Variants in LRRC20 observed in about 807,000 individuals in gnomAD.
The protein encoded by LRRC20 is leucine rich repeat containing 20.
In LRRC20, 11 loss-of-function variants were observed where a neutral mutation model predicts 14.4. That is an observed-to-expected ratio of 0.77 (90% CI 0.48 to 1.27). The LOEUF (loss-of-function observed/expected upper bound fraction) is 1.27, where lower values mean the gene tolerates loss of function less well. Ranked by LOEUF, LRRC20 falls within the 50% of genes most tolerant of loss-of-function variation. The pLI, the probability that LRRC20 is intolerant of heterozygous loss-of-function variation, is 0.00. For synonymous variants in LRRC20, 121 were observed against 107.3 expected (o/e 1.13, Z -0.79); for missense variants, 219 against 251.2 (o/e 0.87, Z 0.87).
intron 2 of LRRC20, 84 bp downstream of exon 2, chr10:70,376,368 T>C (rs1844506939): frequency 1.4e-6 from 2 of 1,380,450 alleles, no homozygotes; most frequent in Non-Finnish European, 2.0e-6. Flanking sequence ...ACACTGACGC[T>C]TGTGTCTTTC....
Position 70,335,468 on chromosome 10 carries a change from C to T in LRRC20, c.232+5085G>A, listed in dbSNP as rs543189586. On this transcript the variant is annotated intron_variant, in intron 3 of 4. Transcript: ENST00000446961. ...CTGCAGCAGCCCCAGCAGCCAGCTC[C>T]GGCTGCCCTGGCCCAGGCCCAGGCT... is the stretch of plus-strand genomic sequence containing the variant. 7.2e-5 allele frequency among the ~76,000 whole-genome samples: 11 copies of T among 152,362 alleles called. No individual in the cohort carries two copies. In the East Asian group the frequency reaches 1.9e-3, roughly 27 times the overall value.
intron 3 of LRRC20, among the ~76,000 whole-genome samples, chr10:70,324,580 C>T (rs1842245745): frequency 6.6e-6 from 1 of 152,250 alleles, no homozygotes; most frequent in African/African-American, 2.4e-5. Flanking sequence ...TGAAAGCTGG[C>T]CAGCGACCTG....
At chr10:70,354,467 G>C (rs1843449290) in intron 2 of LRRC20, among the ~76,000 whole-genome samples, 1 of 152,174 alleles carries the variant, frequency 6.6e-6, no homozygotes, top group Non-Finnish European at 1.5e-5. Flanking sequence ...CACAGCATTA[G>C]CATCACCCCA....
At chr10:70,369,442 A>G (rs1168116160) in intron 2 of LRRC20, among the ~76,000 whole-genome samples, 1 of 152,160 alleles carries the variant, frequency 6.6e-6, no homozygotes, top group Admixed American at 6.5e-5. Flanking sequence ...GAGGAAAACT[A>G]CTGCAAAAGC....
intron 1 of LRRC20, 44 bp from the exon 2 acceptor site, chr10:70,376,640 G>GGTGGGCCCCTGGCT: frequency 9.4e-7 from 1 of 1,062,610 alleles, no homozygotes; most frequent in Non-Finnish European, 1.4e-6. Flanking sequence ...TGCCAGCCAG[G>GGTGGGCCCCTGGCT]GGCCCACCCA....
intron 3 of LRRC20, among the ~76,000 whole-genome samples, chr10:70,327,761 C>A (rs913326262): frequency 1.3e-5 from 2 of 152,078 alleles, no homozygotes; most frequent in African/African-American, 2.4e-5. Flanking sequence ...GAAACCCCAA[C>A]CTCTCCCCAA....
Position 70,374,907 on chromosome 10 carries a change from C to T in LRRC20, c.82+1545G>A, listed in dbSNP as rs531818850. ...CAGACATTCCAATTACTCTTAACTA[C>T]CTTGATGAGGTAGACACAATTACCA... On this transcript the variant is annotated intron_variant, in intron 2 of 4. Transcript: ENST00000446961. Among the ~76,000 whole-genome samples the T allele has an allele frequency of 7.2e-5, 11 of 152,260 alleles. 1 individual carries two copies. In the South Asian group the frequency reaches 2.3e-3, roughly 32 times the overall value.
intron 4 of LRRC20, among the ~76,000 whole-genome samples, chr10:70,319,573 C>G (rs766243576): frequency 6.6e-6 from 1 of 152,200 alleles, no homozygotes; most frequent in Non-Finnish European, 1.5e-5. Flanking sequence ...CTGCCCTCCC[C>G]TACACCTGTG....
At chr10:70,352,680 G>A (rs1308042973) in intron 2 of LRRC20, among the ~76,000 whole-genome samples, 1 of 152,128 alleles carries the variant, frequency 6.6e-6, no homozygotes, top group African/African-American at 2.4e-5. Flanking sequence ...GTGGGCAGTG[G>A]GGAGTATATT....
intron 2 of LRRC20, among the ~76,000 whole-genome samples, chr10:70,361,009 C>T (rs1199124710): frequency 6.7e-6 from 1 of 149,488 alleles, no homozygotes; most frequent in African/African-American, 2.5e-5. Flanking sequence ...ATGATCATGC[C>T]ACTGCACCCG....
intron 4 of LRRC20, among the ~76,000 whole-genome samples, chr10:70,319,307 CAT>C (rs934120417): frequency 1.3e-5 from 2 of 152,172 alleles, no homozygotes; most frequent in African/African-American, 2.4e-5. Flanking sequence ...TTCACCCTCA[CAT>C]GTTCCAGGAT....
chr10:70,331,678 C>T (rs1404446985), intron 3 of LRRC20, among the ~76,000 whole-genome samples: 1 of 152,148 alleles, frequency 6.6e-6, no homozygotes, highest in African/African-American at 2.4e-5. Context: ...TGCACCAGGC[C>T]AGGGTTCAGA....
intron 2 of LRRC20, among the ~76,000 whole-genome samples, chr10:70,359,924 T>C (rs918397865): frequency 2.2e-4 from 34 of 151,272 alleles, no homozygotes; most frequent in Non-Finnish European, 3.5e-4. Flanking sequence ...TTTTTCTTTT[T>C]TTTTTTTTTT....
At chr10:70,369,392 G>A (rs1242022638) in intron 2 of LRRC20, among the ~76,000 whole-genome samples, 1 of 152,110 alleles carries the variant, frequency 6.6e-6, no homozygotes, top group East Asian at 1.9e-4. Context: ...GTCACCAGCA[G>A]GTCACCTACA....
chr10:70,322,106 G>A (rs1190263726), intron 4 of LRRC20, among the ~76,000 whole-genome samples: 3 of 108,818 alleles, frequency 2.8e-5, no homozygotes, highest in African/African-American at 7.2e-5. Flanking sequence ...TAGACACCCA[G>A]TCGACCCGCT....
At chr10:70,321,925 G>A (rs1417375180) in intron 4 of LRRC20, among the ~76,000 whole-genome samples, 1 of 152,208 alleles carries the variant, frequency 6.6e-6, no homozygotes, top group African/African-American at 2.4e-5. Context: ...CTGTCATTCT[G>A]CAGAAAAGCG....
intron 2 of LRRC20, among the ~76,000 whole-genome samples, chr10:70,358,611 CT>C (rs1323718466): frequency 6.6e-6 from 1 of 152,210 alleles, no homozygotes; most frequent in Non-Finnish European, 1.5e-5. Context: ...ACACCACTGC[CT>C]GGCATGGCTG....
At chr10:70,376,802 G>C in intron 1 of LRRC20, 1 of 495,280 alleles carries the variant, frequency 2.0e-6, no homozygotes. Context: ...CAGTCTGGCA[G>C]CTGGGTTCTA....
chr10:70,371,713 T>C (rs1158679190), intron 2 of LRRC20, among the ~76,000 whole-genome samples: 1 of 152,054 alleles, frequency 6.6e-6, no homozygotes, highest in Non-Finnish European at 1.5e-5. Flanking sequence ...GCATGCTCCT[T>C]AGAAACATCG....
Sources: gnomAD v4.1 joint callset for allele counts (sites outside exome capture counted in the v4.1 genomes callset) on GRCh38, gnomAD v4.1.1 for gene constraint, MANE v1.5 for transcripts, NCBI Gene and HGNC (gene_info 2026-07-23, HGNC 2026-07-21) for gene names.